The following GLIS3 variants were observed in gnomAD, a reference collection of about 807,000 sequenced individuals.
GLIS3 encodes zinc finger protein GLIS3.
A neutral mutation model predicts 78.6 loss-of-function variants in GLIS3; 53 were observed. That is an observed-to-expected ratio of 0.67 (90% CI 0.54 to 0.85). The LOEUF is 0.85. GLIS3 is among the 40% of genes least tolerant of loss of function. The pLI, the probability that GLIS3 is intolerant of heterozygous loss-of-function variation, is 0.00. For synonymous variants in GLIS3, 684 were observed against 509.9 expected (o/e 1.34, Z -4.60); for missense variants, 1,703 against 1,231.1 (o/e 1.38, Z -5.74).
the GLIS3 span, among the ~76,000 whole-genome samples, chr9:4,365,722 C>A: frequency 1.3e-5 from 2 of 152,222 alleles, no homozygotes; most frequent in African/African-American, 4.8e-5. Context: ...CTGCAAAGCT[C>A]TGCTCCAACT....
chr9:4,007,256 T>A (rs762299871), intron 4 of GLIS3, among the ~76,000 whole-genome samples: 3 of 152,082 alleles, frequency 2.0e-5, no homozygotes, highest in Non-Finnish European at 4.4e-5. Flanking sequence ...TTAGGAAAAG[T>A]AGCAAAAAGC....
chr9:4,254,446 A>G (rs989313035), intron 2 of GLIS3, among the ~76,000 whole-genome samples: 4 of 152,248 alleles, frequency 2.6e-5, no homozygotes, highest in Admixed American at 6.5e-5. Flanking sequence ...AGCAATTCCA[A>G]TGAAAGTCCT....
At chr9:4,252,031 C>G (rs190736237) in intron 2 of GLIS3, among the ~76,000 whole-genome samples, 50 of 152,264 alleles carry the variant, frequency 3.3e-4, no homozygotes, top group African/African-American at 1.0e-3. Flanking sequence ...TCTGGCTGCC[C>G]TGAACATTTT....
At chr9:3,993,583 G>T (rs767585213) in intron 4 of GLIS3, among the ~76,000 whole-genome samples, 90 of 152,114 alleles carry the variant, frequency 5.9e-4, no homozygotes, top group Non-Finnish European at 1.0e-3. Flanking sequence ...CCAGGGACAA[G>T]TAAGGAATTC....
chr9:4,360,187 C>G, the GLIS3 span, among the ~76,000 whole-genome samples: 1 of 152,168 alleles, frequency 6.6e-6, no homozygotes, highest in Non-Finnish European at 1.5e-5. Context: ...GGATTGGAAT[C>G]ATCACCCAAC....
intron 1 of GLIS3, among the ~76,000 whole-genome samples, chr9:4,347,995 G>C (rs1240392803): frequency 6.6e-6 from 1 of 152,058 alleles, no homozygotes; most frequent in East Asian, 1.9e-4. Context: ...TCCCAAATTA[G>C]ACAGGATATG....
At chr9:4,136,599 T>G (rs1266611732) in intron 2 of GLIS3, among the ~76,000 whole-genome samples, 1 of 152,176 alleles carries the variant, frequency 6.6e-6, no homozygotes, top group African/African-American at 2.4e-5. Flanking sequence ...AAGACTGGCA[T>G]TCTAAGGAAT....
the GLIS3 span, among the ~76,000 whole-genome samples, chr9:4,487,529 C>T: frequency 1.3e-5 from 2 of 152,006 alleles, no homozygotes; most frequent in South Asian, 2.1e-4. Flanking sequence ...TACTTTACCC[C>T]GAGAACCCTA....
At chr9:4,169,762 C>A (rs1422344628) in intron 2 of GLIS3, among the ~76,000 whole-genome samples, 1 of 152,026 alleles carries the variant, frequency 6.6e-6, no homozygotes, top group East Asian at 1.9e-4. Context: ...GATGATGAAG[C>A]AAATGTGGTA....
chr9:4,383,068 A>G, the GLIS3 span, among the ~76,000 whole-genome samples: 5 of 152,210 alleles, frequency 3.3e-5, no homozygotes, highest in Non-Finnish European at 7.3e-5. Context: ...AGCAGTACCA[A>G]TAACTTGGGT....
chr9:4,242,620 G>A (rs887220505), intron 2 of GLIS3, among the ~76,000 whole-genome samples: 3 of 152,144 alleles, frequency 2.0e-5, no homozygotes, highest in African/African-American at 7.2e-5. Context: ...CATGCTCCCT[G>A]TCCTCATCAT....
chr9:4,279,493 TA>T (rs1330518787), intron 2 of GLIS3, among the ~76,000 whole-genome samples: 1 of 151,540 alleles, frequency 6.6e-6, no homozygotes, highest in Non-Finnish European at 1.5e-5. Flanking sequence ...TAATTGGGAT[TA>T]AAAAACTCTT....
At chr9:4,390,119 A>G in the GLIS3 span, among the ~76,000 whole-genome samples, 1 of 152,378 alleles carries the variant, frequency 6.6e-6, no homozygotes, top group African/African-American at 2.4e-5. Flanking sequence ...AACCACGGAC[A>G]TGTATAGATG....
chr9:4,285,931 C>G (rs773854156), intron 2 of GLIS3, 107 bp downstream of exon 2: 7 of 1,341,390 alleles, frequency 5.2e-6, no homozygotes, highest in South Asian at 2.4e-5. Context: ...CATCTTTGAC[C>G]CTGACACTGA....
At chr9:3,905,873 GCTCAGTCATACT>G (rs1273848672) in intron 6 of GLIS3, among the ~76,000 whole-genome samples, 2 of 152,072 alleles carry the variant, frequency 1.3e-5, no homozygotes, top group Non-Finnish European at 2.9e-5. Context: ...CTTCCAGAGA[GCTCAGTCATACT>G]CTGTAGGGAT....
intron 2 of GLIS3, among the ~76,000 whole-genome samples, chr9:4,321,753 G>C (rs950002657): frequency 6.6e-6 from 1 of 151,882 alleles, no homozygotes; most frequent in African/African-American, 2.4e-5. Context: ...TCACTGTCCA[G>C]GCTGGAGTGC....
At chr9:4,235,346 G>T (rs936265221) in intron 2 of GLIS3, among the ~76,000 whole-genome samples, 1 of 149,112 alleles carries the variant, frequency 6.7e-6, no homozygotes, top group South Asian at 2.1e-4. Context: ...AGTGGGTAAA[G>T]TTGGGGAGGG....
chr9:3,836,385 C>G (rs998340734), intron 9 of GLIS3, among the ~76,000 whole-genome samples: 5 of 152,174 alleles, frequency 3.3e-5, no homozygotes, highest in African/African-American at 1.2e-4. Context: ...GGAAGTGTAG[C>G]GATTTTGGCC....
the GLIS3 span, among the ~76,000 whole-genome samples, chr9:4,445,301 T>C: frequency 1.3e-5 from 2 of 152,084 alleles, no homozygotes; most frequent in Non-Finnish European, 2.9e-5. Context: ...TATAAAGTCA[T>C]AGAGTGATGA....
Sources: gnomAD v4.1 joint callset for allele counts (sites outside exome capture counted in the v4.1 genomes callset) on GRCh38, gnomAD v4.1.1 for gene constraint, MANE v1.5 for transcripts, NCBI Gene and HGNC (gene_info 2026-07-23, HGNC 2026-07-21) for gene names.